The following LINGO2 variants were observed in gnomAD, a reference collection of about 807,000 sequenced individuals.
The protein encoded by LINGO2 is leucine rich repeat and Ig domain containing 2, also known as leucine-rich repeat and immunoglobulin-like domain-containing nogo receptor-interacting protein 2.
LINGO2 carries 14 observed loss-of-function variants against 30.6 expected under a neutral mutation model. The ratio of observed to expected loss-of-function variants is 0.46; its 90% CI spans 0.30 to 0.72. The LOEUF (loss-of-function observed/expected upper bound fraction) is 0.72. LINGO2 is among the 30% of genes least tolerant of loss of function. LINGO2 has a pLI of 0.07. For synonymous variants in LINGO2, 317 were observed against 288.5 expected (o/e 1.10, Z -1.00); for missense variants, 729 against 751.7 (o/e 0.97, Z 0.35).
the LINGO2 span, among the ~76,000 whole-genome samples, chr9:28,954,538 T>C: frequency 6.6e-6 from 1 of 152,174 alleles, no homozygotes; most frequent in African/African-American, 2.4e-5. Flanking sequence ...CTAGTAACAG[T>C]CTGGTGTTGC....
chr9:28,080,356 G>C (rs1486846938), intron 4 of LINGO2, among the ~76,000 whole-genome samples: 1 of 152,100 alleles, frequency 6.6e-6, no homozygotes, highest in Non-Finnish European at 1.5e-5. Flanking sequence ...TTATTCACTA[G>C]AATCAACTCA....
intron 4 of LINGO2, among the ~76,000 whole-genome samples, chr9:28,053,059 C>T (rs569594209): frequency 1.3e-5 from 2 of 152,140 alleles, no homozygotes; most frequent in Admixed American, 6.6e-5. Context: ...GAGAGTAATA[C>T]AAAGCAGTAA....
intron 1 of LINGO2, among the ~76,000 whole-genome samples, chr9:28,646,351 C>G (rs1288993356): frequency 1.3e-5 from 2 of 152,088 alleles, no homozygotes; most frequent in Non-Finnish European, 2.9e-5. Flanking sequence ...CATTCTAAGG[C>G]ACACACACAT....
intron 1 of LINGO2, among the ~76,000 whole-genome samples, chr9:28,534,182 G>C (rs945898738): frequency 2.0e-5 from 3 of 152,024 alleles, no homozygotes; most frequent in Non-Finnish European, 4.4e-5. Flanking sequence ...TTTAGAGTCA[G>C]GGTCTTGCCC....
chr9:28,673,347 C>T (rs1829093627), upstream of LINGO2, among the ~76,000 whole-genome samples: 1 of 151,984 alleles, frequency 6.6e-6, no homozygotes, highest in African/African-American at 2.4e-5. Context: ...TTTAGAGAAA[C>T]AGCAGAAAGA....
At chr9:28,861,321 T>C in the LINGO2 span, among the ~76,000 whole-genome samples, 1 of 130,942 alleles carries the variant, frequency 7.6e-6, no homozygotes, top group South Asian at 2.1e-4. Context: ...TATAATATAC[T>C]ATATATAATA....
the LINGO2 span, among the ~76,000 whole-genome samples, chr9:28,942,122 T>C: frequency 6.6e-6 from 1 of 152,010 alleles, no homozygotes; most frequent in South Asian, 2.1e-4. Flanking sequence ...CTTTGTATTG[T>C]AAAGTGAAAG....
chr9:28,919,546 C>T, the LINGO2 span, among the ~76,000 whole-genome samples: 2 of 152,078 alleles, frequency 1.3e-5, no homozygotes, highest in Non-Finnish European at 2.9e-5. Context: ...AACAGCCAGA[C>T]TCATGTATCT....
chr9:28,751,288 C>CAA, the LINGO2 span, among the ~76,000 whole-genome samples: 14,791 of 81,688 alleles, frequency 0.18, 1,977 homozygotes, highest in Non-Finnish European at 0.22. Context: ...AAGATCCAGT[C>CAA]AAAAAAAAAA....
chr9:28,431,011 T>C (rs1295945512), intron 2 of LINGO2, among the ~76,000 whole-genome samples: 1 of 139,824 alleles, frequency 7.2e-6, no homozygotes, highest in Non-Finnish European at 1.5e-5. Context: ...GATAACTTGC[T>C]TACTACAGCA....
chr9:28,665,720 AAAC>A (rs1249136459), intron 1 of LINGO2, among the ~76,000 whole-genome samples: 4 of 152,158 alleles, frequency 2.6e-5, no homozygotes, highest in African/African-American at 9.7e-5. Flanking sequence ...AGCCTTGTTT[AAAC>A]AACTGGTAAA....
At chr9:28,827,104 G>C in the LINGO2 span, among the ~76,000 whole-genome samples, 1,387 of 152,226 alleles carry the variant, frequency 9.1e-3, 21 homozygotes, top group African/African-American at 0.032. Flanking sequence ...AAAACAGTAA[G>C]AATTAGAGGC....
chr9:28,723,014 AC>A, the LINGO2 span, among the ~76,000 whole-genome samples: 2 of 152,050 alleles, frequency 1.3e-5, no homozygotes, highest in South Asian at 2.1e-4. Flanking sequence ...TGAAACAATT[AC>A]CCCAGAGTCT....
chr9:28,396,703 C>CAAAAAAAAAAAAAAAAAAA (rs60660309), intron 2 of LINGO2, among the ~76,000 whole-genome samples: 1 of 53,138 alleles, frequency 1.9e-5, no homozygotes, highest in African/African-American at 7.5e-5. Flanking sequence ...GACTCCATCT[C>CAAAAAAAAAAAAAAAAAAA]AAAAAAAAAA....
At chr9:28,381,688 C>G (rs1203596683) in intron 2 of LINGO2, among the ~76,000 whole-genome samples, 1 of 152,088 alleles carries the variant, frequency 6.6e-6, no homozygotes, top group Non-Finnish European at 1.5e-5. Context: ...TATTCACCCT[C>G]TGCCCCTACC....
chr9:29,034,982 G>A, the LINGO2 span, among the ~76,000 whole-genome samples: 5 of 152,018 alleles, frequency 3.3e-5, no homozygotes, highest in South Asian at 2.1e-4. Flanking sequence ...GGAATCATAC[G>A]CCTCAATAAA....
the LINGO2 span, among the ~76,000 whole-genome samples, chr9:28,759,393 C>T: frequency 6.6e-6 from 1 of 151,822 alleles, no homozygotes; most frequent in South Asian, 2.1e-4. Flanking sequence ...AGAAAATAAC[C>T]GTGGTTTGGC....
the LINGO2 span, among the ~76,000 whole-genome samples, chr9:28,880,317 C>A: frequency 6.6e-6 from 1 of 152,216 alleles, no homozygotes; most frequent in African/African-American, 2.4e-5. Flanking sequence ...TTTGCTGAGA[C>A]GTTGTTAATT....
At chr9:28,881,965 G>T in the LINGO2 span, among the ~76,000 whole-genome samples, 3 of 152,226 alleles carry the variant, frequency 2.0e-5, no homozygotes, top group Admixed American at 2.0e-4. Flanking sequence ...GGGTTTTGAG[G>T]CTTTAATATT....
Sources: gnomAD v4.1 joint callset for allele counts (sites outside exome capture counted in the v4.1 genomes callset) on GRCh38, gnomAD v4.1.1 for gene constraint, MANE v1.5 for transcripts, NCBI Gene and HGNC (gene_info 2026-07-23, HGNC 2026-07-21) for gene names.